Variants in LPCAT2 observed in about 807,000 individuals in gnomAD.
LPCAT2 encodes lysophosphatidylcholine acyltransferase 2.
In LPCAT2, 58 loss-of-function variants were observed where a neutral mutation model predicts 64.7. The observed-to-expected ratio is 0.90, with a 90% CI of 0.73 to 1.12. LPCAT2 has a LOEUF of 1.12. Among genes scored for constraint, LPCAT2 ranks in the 50% most tolerant of loss-of-function variants. The probability of loss-of-function intolerance (pLI) is 0.00; values close to 1 mark genes in which losing one functional copy is unlikely to be tolerated. For missense variants in LPCAT2, 579 were observed against 669.8 expected (o/e 0.86, Z 1.50); for synonymous variants, 252 against 245.3 (o/e 1.03, Z -0.26).
At position 55,543,482 on chromosome 16, in the gene LPCAT2, C is replaced by CT. The variant is rs1442238028; in HGVS notation, c.853-2250dup. ...TGAAGAATTATATGGCAATTAAAAA[C>CT]TTTAATTTCTTACACTGTTTTGTTA... On this transcript the variant is annotated intron_variant, in intron 8 of 13. Transcript: ENST00000262134. 3.3e-5 allele frequency among the ~76,000 whole-genome samples: 5 copies of CT among 152,144 alleles called. No individual in the cohort carries two copies. The South Asian group carries it at 6.2e-4, about 19-fold the overall frequency.
intron 11 of LPCAT2, among the ~76,000 whole-genome samples, chr16:55,571,070 G>A (rs1472993022): frequency 6.6e-6 from 1 of 152,122 alleles, no homozygotes; most frequent in African/African-American, 2.4e-5. Context: ...AGGAAAAATA[G>A]TCCCTCTTCT....
intron 12 of LPCAT2, among the ~76,000 whole-genome samples, chr16:55,577,006 G>A (rs1963835045): frequency 6.6e-6 from 1 of 152,184 alleles, no homozygotes; most frequent in Non-Finnish European, 1.5e-5. Context: ...TTTAGAAATG[G>A]AAGGCCTCTG....
intron 11 of LPCAT2, chr16:55,567,116 T>G (rs1293133896): frequency 6.2e-7 from 1 of 1,613,830 alleles, no homozygotes; most frequent in East Asian, 2.2e-5. Context: ...ACGGTTTTAG[T>G]CTTGACACCT....
At chr16:55,514,890 T>TTTG (rs1962986814) in intron 1 of LPCAT2, among the ~76,000 whole-genome samples, 2 of 141,236 alleles carry the variant, frequency 1.4e-5, no homozygotes, top group Admixed American at 7.1e-5. Flanking sequence ...ATGCAATGCA[T>TTTG]TGTGTGTGTG....
intron 11 of LPCAT2, among the ~76,000 whole-genome samples, chr16:55,565,693 T>TG (rs1228883256): frequency 6.6e-5 from 10 of 151,550 alleles, no homozygotes; most frequent in Non-Finnish European, 1.5e-4. Context: ...TTACCAGGGG[T>TG]GGGGGAAGGG....
At position 55,514,058 on chromosome 16, in the gene LPCAT2, C is replaced by A. The variant is rs76339686; in HGVS notation, c.171+4706C>A. Among the ~76,000 whole-genome samples the A allele has an allele frequency of 2.7e-3, 416 of 152,196 alleles. 10 individuals carry two copies. In the South Asian group the frequency reaches 0.05, roughly 18 times the overall value. ...TCTTAAAAAATAAAAATAAAAAAAT[C>A]AGAGGCAATTGCTTAACATCACAGC... On this transcript the variant is annotated intron_variant, in intron 1 of 13. Coordinates refer to ENST00000262134, the MANE Select transcript of LPCAT2 (RefSeq NM_017839.5).
chr16:55,548,037 G>T (rs1963473980), intron 9 of LPCAT2, among the ~76,000 whole-genome samples: 1 of 152,068 alleles, frequency 6.6e-6, no homozygotes, highest in Non-Finnish European at 1.5e-5. Context: ...CAAAGTGCTG[G>T]GATTACTGGC....
intron 7 of LPCAT2, 111 bp from the exon 8 acceptor site, chr16:55,537,467 A>G (rs1963338360): frequency 7.6e-6 from 6 of 789,736 alleles, no homozygotes; most frequent in Admixed American, 2.5e-5. Context: ...AATGCAAAAT[A>G]TATGTGAAGT....
intron 11 of LPCAT2, among the ~76,000 whole-genome samples, chr16:55,551,598 G>T (rs1298833320): frequency 6.6e-6 from 1 of 152,066 alleles, no homozygotes; most frequent in Admixed American, 6.6e-5. Context: ...ATTTTCAAGT[G>T]ACATTTTGTA....
At chr16:55,573,833 T>G (rs576528975) in intron 11 of LPCAT2, among the ~76,000 whole-genome samples, 2 of 151,974 alleles carry the variant, frequency 1.3e-5, no homozygotes, top group African/African-American at 4.8e-5. Flanking sequence ...ACTTTCTACC[T>G]TATCTCTCTC....
chr16:55,576,085 A>G (rs1963824420), intron 12 of LPCAT2, among the ~76,000 whole-genome samples: 1 of 152,114 alleles, frequency 6.6e-6, no homozygotes, highest in Non-Finnish European at 1.5e-5. Context: ...CCTTAATCAC[A>G]GTAATTACGA....
Position 55,582,947 on chromosome 16 carries a change from A to C in LPCAT2, c.1484A>C (p.Glu495Ala). 2 of 1,613,254 alleles carry C rather than the reference A, an allele frequency of 1.2e-6. No individual in the cohort carries two copies. The highest frequency in any genetic ancestry group is 2.2e-5 in the South Asian group (2 of 90,984). Residue 495 changes from glutamate (E) to alanine (A), a missense_variant, in exon 14 of 14, where the codon GAA becomes GCA. Coordinates refer to ENST00000262134, the MANE Select transcript of LPCAT2 (RefSeq NM_017839.5). ...AAAAGTTTTGCCTTAAAGCATCCAGAATATGCTAAGATATTTACAACATAC... is the reference window on the plus strand; with the variant it reads ...AAAAGTTTTGCCTTAAAGCATCCAGCATATGCTAAGATATTTACAACATAC... The part of the protein sequence containing the change: ...EFKSFALKHP[E>A]YAKIFTTYLD...
chr16:55,531,143 C>G (rs1433024979), intron 4 of LPCAT2, among the ~76,000 whole-genome samples: 2 of 152,200 alleles, frequency 1.3e-5, no homozygotes, highest in East Asian at 3.9e-4. Context: ...TATAAATAAC[C>G]TGTTATTGTG....
At position 55,584,589 on chromosome 16, in the gene LPCAT2, G is replaced by T. The variant is rs1249434975; in HGVS notation, c.*1491G>T. 6.6e-6 allele frequency: 1 copy of T among 152,080 alleles called. No homozygotes were observed. The highest frequency in any genetic ancestry group is 1.5e-5 in the Non-Finnish European group (1 of 67,998). The allele number at this position is 152,080 out of a possible 1,614,324, so 9.4% of individuals were successfully genotyped here. On this transcript the variant is annotated 3_prime_UTR_variant, in exon 14 of 14. Transcript: ENST00000262134. Reference sequence around the variant, plus strand: ...GGTTCATTTTCTGAATTCAGTCTTTGAAATAAAACTCCTTGTTTTGGCCGT... The same window carrying T: ...GGTTCATTTTCTGAATTCAGTCTTTTAAATAAAACTCCTTGTTTTGGCCGT...
At position 55,509,214 on chromosome 16, in the gene LPCAT2, G is replaced by A. The variant is rs1486135159; in HGVS notation, c.33G>A (p.Ala11=). The part of the protein sequence containing the change: MSRCAQAAEV[A]ATVPGAGVGN... ...GGTGCGCCCAGGCGGCGGAAGTGGC[G>A]GCCACAGTGCCAGGTGCCGGCGTCG... The change falls in exon 1 of 14, where the codon GCG becomes GCA. Residue 11 remains alanine (A), a synonymous_variant. Coordinates refer to ENST00000262134, the MANE Select transcript of LPCAT2 (RefSeq NM_017839.5). 2 of 1,424,860 alleles carry A rather than the reference G, an allele frequency of 1.4e-6. No homozygotes were observed. Among genetic ancestry groups the A allele is most frequent in the South Asian group, 1.5e-5 (1 of 67,218 alleles). The allele number at this position is 1,424,860 out of a possible 1,614,324, so 88.3% of individuals were successfully genotyped here. A position where few individuals can be genotyped will look rare whatever the true frequency, so the allele number is the denominator to read the frequency against.
chr16:55,550,461 A>G (rs1963503352), intron 10 of LPCAT2, among the ~76,000 whole-genome samples: 1 of 152,220 alleles, frequency 6.6e-6, no homozygotes, highest in South Asian at 2.1e-4. Flanking sequence ...AACTTAATAC[A>G]GACTATGGAC....
Position 55,579,372 on chromosome 16 carries a change from C to T in LPCAT2, c.1450+128C>T, listed in dbSNP as rs938383535. ...ATAGACATAATAGTAATATTGATGA[C>T]CACAGTAATAATAGTAGTAATGGCA... On this transcript the variant is annotated intron_variant, in intron 13 of 13. Coordinates refer to ENST00000262134, the MANE Select transcript of LPCAT2 (RefSeq NM_017839.5). The T allele has an allele frequency of 3.4e-6, 3 of 880,584 alleles. No homozygotes were observed. The South Asian group carries it at 6.1e-5, about 18-fold the overall frequency. The allele number at this position is 880,584 out of a possible 1,614,324, so 54.5% of individuals were successfully genotyped here.
At chr16:55,529,200 T>G (rs1173692384) in intron 3 of LPCAT2, among the ~76,000 whole-genome samples, 1 of 152,212 alleles carries the variant, frequency 6.6e-6, no homozygotes, top group African/African-American at 2.4e-5. Flanking sequence ...GTCCCAAGTT[T>G]ATTGCAAACA....
intron 12 of LPCAT2, among the ~76,000 whole-genome samples, chr16:55,575,354 G>A (rs1372890994): frequency 2.6e-5 from 4 of 152,122 alleles, no homozygotes; most frequent in African/African-American, 9.7e-5. Flanking sequence ...TTGCTTACAA[G>A]TGCAAAACAA....
Sources: gnomAD v4.1 joint callset for allele counts (sites outside exome capture counted in the v4.1 genomes callset) on GRCh38, gnomAD v4.1.1 for gene constraint, MANE v1.5 for transcripts, NCBI Gene and HGNC (gene_info 2026-07-23, HGNC 2026-07-21) for gene names.